Variants in PPARGC1A observed in about 807,000 individuals in gnomAD.
PPARGC1A encodes peroxisome proliferator-activated receptor gamma coactivator 1-alpha.
A neutral mutation model predicts 88.7 loss-of-function variants in PPARGC1A; 25 were observed. That is an observed-to-expected ratio of 0.28 (90% CI 0.21 to 0.39). The LOEUF is 0.39. PPARGC1A is among the 10% of genes least tolerant of loss of function. PPARGC1A has a pLI of 1.00. For missense variants in PPARGC1A, 880 were observed against 968.7 expected (o/e 0.91, Z 1.22); for synonymous variants, 363 against 355.6 (o/e 1.02, Z -0.24).
At chr4:23,954,853 G>A in the PPARGC1A span, among the ~76,000 whole-genome samples, 1 of 151,918 alleles carries the variant, frequency 6.6e-6, no homozygotes, top group South Asian at 2.1e-4. Context: ...GAAATTACCT[G>A]GTACTTAACA....
upstream of PPARGC1A, among the ~76,000 whole-genome samples, chr4:23,892,544 G>GTTTTTTTTTTTTTT (rs34009315): frequency 6.9e-6 from 1 of 144,102 alleles, no homozygotes; most frequent in Non-Finnish European, 1.5e-5. Context: ...CTTCAGTCCA[G>GTTTTTTTTTTTTTT]TTTTTTTTTT....
chr4:24,178,506 T>C, the PPARGC1A span, among the ~76,000 whole-genome samples: 6 of 152,366 alleles, frequency 3.9e-5, no homozygotes, highest in East Asian at 1.2e-3. Context: ...TTTATTTTTT[T>C]AATCTGATTT....
At chr4:23,974,046 G>A in the PPARGC1A span, among the ~76,000 whole-genome samples, 2 of 152,270 alleles carry the variant, frequency 1.3e-5, no homozygotes, top group South Asian at 4.2e-4. Context: ...AGGGACTTCT[G>A]ATGGCATACC....
At chr4:24,163,825 C>G in the PPARGC1A span, among the ~76,000 whole-genome samples, 1 of 152,188 alleles carries the variant, frequency 6.6e-6, no homozygotes, top group Non-Finnish European at 1.5e-5. Context: ...AAGTACCACT[C>G]TGTTAGGCTG....
chr4:24,089,801 T>C, the PPARGC1A span, among the ~76,000 whole-genome samples: 2 of 152,224 alleles, frequency 1.3e-5, no homozygotes, highest in Admixed American at 1.3e-4. Context: ...TGAGCCACCG[T>C]GCGCGGCCTA....
At chr4:24,109,045 C>T in the PPARGC1A span, among the ~76,000 whole-genome samples, 1 of 148,122 alleles carries the variant, frequency 6.8e-6, no homozygotes, top group Non-Finnish European at 1.5e-5. Context: ...ACCACACACA[C>T]ACACACACAC....
intron 2 of PPARGC1A, among the ~76,000 whole-genome samples, chr4:23,846,245 C>A (rs1021570888): frequency 3.9e-5 from 6 of 152,182 alleles, no homozygotes; most frequent in African/African-American, 1.4e-4. Context: ...CATGGAAACA[C>A]TGAATAGTAA....
the PPARGC1A span, among the ~76,000 whole-genome samples, chr4:24,118,809 C>T: frequency 3.9e-4 from 59 of 151,930 alleles, no homozygotes; most frequent in Non-Finnish European, 7.2e-4. Context: ...TGGTTTTTTT[C>T]CACTTGCATA....
At chr4:24,136,060 C>T in the PPARGC1A span, among the ~76,000 whole-genome samples, 4 of 152,128 alleles carry the variant, frequency 2.6e-5, no homozygotes, top group Non-Finnish European at 2.9e-5. Context: ...TTGGGGAGGT[C>T]CCAGGTGAGG....
the PPARGC1A span, among the ~76,000 whole-genome samples, chr4:24,284,511 A>C: frequency 1.3e-5 from 2 of 152,180 alleles, no homozygotes; most frequent in Non-Finnish European, 1.5e-5. Context: ...GGACATTTTG[A>C]AGGGAAAAGG....
the PPARGC1A span, among the ~76,000 whole-genome samples, chr4:23,974,282 C>T: frequency 6.6e-6 from 1 of 152,126 alleles, no homozygotes; most frequent in East Asian, 1.9e-4. Context: ...CAGATATCTG[C>T]TATGGATCCA....
chr4:24,124,107 T>C, the PPARGC1A span, among the ~76,000 whole-genome samples: 14 of 152,108 alleles, frequency 9.2e-5, no homozygotes, highest in Middle Eastern at 3.2e-3. Context: ...GAAATGGCTG[T>C]GAATACCACC....
the PPARGC1A span, among the ~76,000 whole-genome samples, chr4:24,129,175 T>C: frequency 6.6e-6 from 1 of 152,144 alleles, no homozygotes; most frequent in East Asian, 1.9e-4. Context: ...TAAACAGTAA[T>C]GGTAATGGGG....
chr4:23,850,634 T>G (rs1451494405), intron 2 of PPARGC1A, among the ~76,000 whole-genome samples: 1 of 152,156 alleles, frequency 6.6e-6, no homozygotes, highest in Non-Finnish European at 1.5e-5. Flanking sequence ...GGTTGAAAAT[T>G]AAAGAGTGAC....
chr4:24,280,171 C>A, the PPARGC1A span, among the ~76,000 whole-genome samples: 1 of 152,150 alleles, frequency 6.6e-6, no homozygotes, highest in Non-Finnish European at 1.5e-5. Context: ...ACTCGACAGT[C>A]CAAAGTTTAA....
At chr4:24,331,023 T>C in the PPARGC1A span, among the ~76,000 whole-genome samples, 2 of 152,232 alleles carry the variant, frequency 1.3e-5, no homozygotes, top group South Asian at 2.1e-4. Context: ...CATTTAAAGA[T>C]AGGCATCTAG....
the PPARGC1A span, among the ~76,000 whole-genome samples, chr4:23,929,310 A>C: frequency 6.6e-6 from 1 of 152,156 alleles, no homozygotes; most frequent in Non-Finnish European, 1.5e-5. Context: ...TAGAAGGAAA[A>C]CTTGTGTGAG....
the PPARGC1A span, among the ~76,000 whole-genome samples, chr4:24,252,392 T>C: frequency 6.6e-6 from 1 of 152,190 alleles, no homozygotes; most frequent in Non-Finnish European, 1.5e-5. Flanking sequence ...CCCAGATAGC[T>C]TTTCAGTTGT....
the PPARGC1A span, among the ~76,000 whole-genome samples, chr4:24,062,554 A>G: frequency 0.89 from 136,238 of 152,246 alleles, 61,003 homozygotes; most frequent in Admixed American, 0.94. Context: ...TCATTTGCAC[A>G]TCTGCCTCCT....
Sources: allele counts gnomAD v4.1 joint callset (sites outside exome capture counted in the v4.1 genomes callset), GRCh38; gene constraint gnomAD v4.1.1; transcripts MANE v1.5; gene names NCBI Gene and HGNC (gene_info 2026-07-23, HGNC 2026-07-21).